Variants in KATNIP observed in about 807,000 individuals in gnomAD.
The protein encoded by KATNIP is katanin-interacting protein.
Under a neutral mutation model 174.0 loss-of-function variants are expected in KATNIP, and 126 were observed. That is an observed-to-expected ratio of 0.72 (90% CI 0.63 to 0.84). The LOEUF is 0.84. KATNIP is among the 40% of genes least tolerant of loss of function. The pLI is 0.00. For missense variants in KATNIP, 1,958 were observed against 2,109.7 expected (o/e 0.93, Z 1.41); for synonymous variants, 810 against 835.7 (o/e 0.97, Z 0.53).
intron 20 of KATNIP, among the ~76,000 whole-genome samples, chr16:27,767,700 G>C (rs1356158608): frequency 6.6e-6 from 1 of 152,138 alleles, no homozygotes; most frequent in Non-Finnish European, 1.5e-5. Flanking sequence ...GACAGAGCAA[G>C]ACACCATCTC....
intron 6 of KATNIP, among the ~76,000 whole-genome samples, chr16:27,677,464 T>TC (rs1321661230): frequency 9.3e-5 from 14 of 150,220 alleles, no homozygotes; most frequent in African/African-American, 2.9e-4. Flanking sequence ...ACATGTGCAC[T>TC]CCCCCCCACC....
chr16:27,567,779 C>T (rs539140719), intron 1 of KATNIP, among the ~76,000 whole-genome samples: 51 of 152,230 alleles, frequency 3.4e-4, no homozygotes, highest in South Asian at 2.1e-4. Flanking sequence ...CCACCCGCCT[C>T]GGCCTCCCAA....
chr16:27,587,780 T>G (rs2090954995), intron 2 of KATNIP, among the ~76,000 whole-genome samples: 1 of 152,230 alleles, frequency 6.6e-6, no homozygotes, highest in Non-Finnish European at 1.5e-5. Flanking sequence ...AAGTACAGTT[T>G]CCACTGAATG....
chr16:27,669,451 T>C (rs1217206093), intron 6 of KATNIP, among the ~76,000 whole-genome samples: 1 of 152,202 alleles, frequency 6.6e-6, no homozygotes, highest in Non-Finnish European at 1.5e-5. Context: ...CACTGAACAC[T>C]GAAATCAAAT....
chr16:27,671,254 A>G (rs1466579137), intron 6 of KATNIP, among the ~76,000 whole-genome samples: 2 of 152,230 alleles, frequency 1.3e-5, no homozygotes, highest in East Asian at 3.8e-4. Context: ...CTATGCATAT[A>G]TGCATACCTA....
At chr16:27,706,696 G>C (rs573368046) in intron 12 of KATNIP, among the ~76,000 whole-genome samples, 1 of 152,216 alleles carries the variant, frequency 6.6e-6, no homozygotes, top group African/African-American at 2.4e-5. Context: ...GCACATTTCA[G>C]ATTGCACTGG....
chr16:27,671,769 A>C (rs775120852), intron 6 of KATNIP, among the ~76,000 whole-genome samples: 18 of 152,166 alleles, frequency 1.2e-4, no homozygotes, highest in Non-Finnish European at 2.2e-4. Context: ...TAAAAGCAGA[A>C]ATCAGGCCAG....
rs181329078 is a variant in KATNIP, at chr16:27,766,457, G to A, written c.3958G>A (p.Glu1320Lys). The A allele has an allele frequency of 4.1e-5, 66 of 1,613,092 alleles. No individual in the cohort carries two copies. The Middle Eastern group carries it at 6.6e-4, about 16-fold the overall frequency. Residue 1320 changes from glutamate (E) to lysine (K), a missense_variant, in exon 20 of 28, where the codon GAG (glutamate) becomes AAG (lysine). By Grantham distance (56) the Glu-to-Lys change is moderately conservative (BLOSUM62 1). Coordinates refer to ENST00000261588, the MANE Select transcript of KATNIP (RefSeq NM_015202.5). ...CTTCTGGAACTACAATAAATCTCCC[G>A]AGGACACCTATCGCGGGGTAAGCTG... The part of the protein sequence containing the change: ...LRFWNYNKSP[E>K]DTYRGAKIVH...
chr16:27,703,254 G>A (rs1377660444), intron 11 of KATNIP, among the ~76,000 whole-genome samples: 4 of 152,060 alleles, frequency 2.6e-5, no homozygotes, highest in African/African-American at 7.2e-5. Flanking sequence ...CATGCACTCC[G>A]CCAAATGCTT....
chr16:27,701,516 A>G, intron 10 of KATNIP, 73 bp from the exon 11 acceptor site: 1 of 1,178,518 alleles, frequency 8.5e-7, no homozygotes, highest in Non-Finnish European at 1.2e-6. Flanking sequence ...CCTGCCCTTG[A>G]CCGTGACCCT....
At chr16:27,565,415 G>A (rs190546660) in intron 1 of KATNIP, among the ~76,000 whole-genome samples, 2 of 149,748 alleles carry the variant, frequency 1.3e-5, no homozygotes, top group African/African-American at 4.9e-5. Context: ...GCAGTGAGGC[G>A]AGATTGCGCC....
At chr16:27,771,550 C>T (rs556232529) in intron 21 of KATNIP, 38 bp from the exon 22 acceptor site, 5 of 1,601,456 alleles carry the variant, frequency 3.1e-6, no homozygotes, top group East Asian at 4.5e-5. Flanking sequence ...TCTGGGCCGT[C>T]GTGAGCTTCT....
intron 14 of KATNIP, among the ~76,000 whole-genome samples, chr16:27,726,999 G>A (rs1421927524): frequency 4.6e-5 from 7 of 152,220 alleles, no homozygotes; most frequent in Non-Finnish European, 1.0e-4. Context: ...GAGACCATGT[G>A]GCCTGGGGCA....
intron 1 of KATNIP, among the ~76,000 whole-genome samples, chr16:27,552,377 CTTT>C (rs1167836198): frequency 2.2e-5 from 3 of 135,062 alleles, no homozygotes; most frequent in Admixed American, 1.5e-4. Flanking sequence ...TTTCTTTTTT[CTTT>C]TTTTTTTTTT....
At chr16:27,614,243 G>T (rs1263332920) in intron 2 of KATNIP, among the ~76,000 whole-genome samples, 1 of 151,872 alleles carries the variant, frequency 6.6e-6, no homozygotes, top group Non-Finnish European at 1.5e-5. Flanking sequence ...TCAGCTCACT[G>T]CAACCTCCAA....
intron 5 of KATNIP, chr16:27,632,642 G>T (rs1334861087): frequency 1.5e-5 from 7 of 456,486 alleles, no homozygotes; most frequent in Non-Finnish European, 3.1e-5. Context: ...CTGGTCAGTT[G>T]TGTAGTAACC....
intron 6 of KATNIP, among the ~76,000 whole-genome samples, chr16:27,650,978 T>G (rs2077103443): frequency 6.6e-6 from 1 of 152,188 alleles, no homozygotes; most frequent in Admixed American, 6.5e-5. Context: ...AAAACAGCCA[T>G]CAATTTCTCT....
At chr16:27,668,302 C>A (rs1328029868) in intron 6 of KATNIP, among the ~76,000 whole-genome samples, 1 of 152,160 alleles carries the variant, frequency 6.6e-6, no homozygotes, top group Non-Finnish European at 1.5e-5. Flanking sequence ...TGGGTGGATC[C>A]AGGTGGGAGG....
intron 2 of KATNIP, among the ~76,000 whole-genome samples, chr16:27,607,782 T>G (rs2141990822): frequency 6.6e-6 from 1 of 152,230 alleles, no homozygotes; most frequent in African/African-American, 2.4e-5. Context: ...AATTTTTATA[T>G]TTTCAATAGA....
Sources: allele counts gnomAD v4.1 joint callset (sites outside exome capture counted in the v4.1 genomes callset), GRCh38; gene constraint gnomAD v4.1.1; transcripts MANE v1.5; gene names NCBI Gene and HGNC (gene_info 2026-07-23, HGNC 2026-07-21).